THSD7A: variants seen among roughly 807,000 people sequenced by gnomAD.
THSD7A encodes thrombospondin type 1 domain containing 7A, also known as thrombospondin type-1 domain-containing protein 7A.
Under a neutral mutation model 231.3 loss-of-function variants are expected in THSD7A, and 96 were observed. The ratio of observed to expected loss-of-function variants is 0.41; its 90% CI spans 0.35 to 0.49. The LOEUF is 0.49. THSD7A is among the 20% of genes least tolerant of loss of function. THSD7A has a pLI of 0.05. For missense variants in THSD7A, 2,290 were observed against 2,070.2 expected (o/e 1.11, Z -2.06); for synonymous variants, 940 against 743.3 (o/e 1.26, Z -4.30).
intron 6 of THSD7A, among the ~76,000 whole-genome samples, chr7:11,519,500 C>T (rs557187857): frequency 6.6e-6 from 1 of 152,304 alleles, no homozygotes; most frequent in Admixed American, 6.5e-5. Context: ...CACACTGTCA[C>T]TTTCACTCCA....
At chr7:11,798,907 G>C (rs574691596) in intron 1 of THSD7A, among the ~76,000 whole-genome samples, 1 of 149,972 alleles carries the variant, frequency 6.7e-6, no homozygotes, top group African/African-American at 2.5e-5. Flanking sequence ...TTGGTTTAAA[G>C]TTGAGAATTT....
chr7:11,433,147 G>A (rs1286188987), intron 13 of THSD7A, among the ~76,000 whole-genome samples: 2 of 151,954 alleles, frequency 1.3e-5, no homozygotes, highest in East Asian at 3.9e-4. Flanking sequence ...AGAACTAAAG[G>A]AATATTTCAC....
chr7:11,446,614 G>T lies in THSD7A; in HGVS notation c.2801-290C>A, dbSNP rs1204894935. Among the ~76,000 whole-genome samples, 2 of 151,710 alleles carry T rather than the reference G, an allele frequency of 1.3e-5. No individual in the cohort carries two copies. The highest frequency in any genetic ancestry group is 4.8e-5 in the African/African-American group (2 of 41,280). On this transcript the variant is annotated intron_variant, in intron 12 of 27. Transcript: ENST00000423059. The surrounding 1 kb of genome is among the most constrained non-coding windows in gnomAD (Gnocchi z 4.0). ...ATATATTTATCTCTCACCTTCATAG[G>T]CTGTGTTATATAGTTTCGACAGTCT... is the stretch of plus-strand genomic sequence containing the variant.
At chr7:11,383,546 C>A (rs1487744361) in intron 23 of THSD7A, among the ~76,000 whole-genome samples, 1 of 151,920 alleles carries the variant, frequency 6.6e-6, no homozygotes, top group Non-Finnish European at 1.5e-5. Flanking sequence ...TGACAATTTA[C>A]AAATCCATCA....
chr7:11,495,666 A>C (rs1043396963), intron 6 of THSD7A, among the ~76,000 whole-genome samples: 5 of 152,166 alleles, frequency 3.3e-5, no homozygotes, highest in Admixed American at 3.3e-4. Flanking sequence ...AATCTTAAAA[A>C]GGGTTTGGCT....
chr7:11,463,980 G>A (rs1785601766), intron 9 of THSD7A, among the ~76,000 whole-genome samples: 1 of 151,932 alleles, frequency 6.6e-6, no homozygotes, highest in Admixed American at 6.6e-5. Flanking sequence ...TTTTGCTTTG[G>A]TCACCAGAAT....
chr7:11,504,887 C>T (rs1392618060), intron 6 of THSD7A, among the ~76,000 whole-genome samples: 2 of 151,310 alleles, frequency 1.3e-5, no homozygotes, highest in African/African-American at 4.9e-5. Context: ...ATTAAACTGG[C>T]AAAATTAAAA....
At chr7:11,461,890 TC>T in intron 10 of THSD7A, 120 bp downstream of exon 10, 2 of 1,292,998 alleles carry the variant, frequency 1.5e-6, no homozygotes, top group Non-Finnish European at 2.1e-6. Context: ...GCCATAAACA[TC>T]CCAACTCCAT....
At chr7:11,456,179 G>A (rs1785303092) in intron 11 of THSD7A, among the ~76,000 whole-genome samples, 1 of 151,978 alleles carries the variant, frequency 6.6e-6, no homozygotes, top group Non-Finnish European at 1.5e-5. Flanking sequence ...TTTTCTATGT[G>A]TACTTAGTAA....
chr7:11,751,951 T>C lies in THSD7A; in HGVS notation c.190+79806A>G, dbSNP rs1472591895. On this transcript the variant is annotated intron_variant, in intron 1 of 27. Coordinates refer to ENST00000423059, the MANE Select transcript of THSD7A (RefSeq NM_015204.3). The stretch of plus-strand genomic sequence containing the variant: ...TGTCAGGGTAACCACTTGCAGCTTA[T>C]AGCTGCAGCGAACGCTGAGAATGAA... 3.3e-5 allele frequency among the ~76,000 whole-genome samples: 5 copies of C among 152,232 alleles called. No individual in the cohort carries two copies. In the East Asian group the frequency reaches 9.7e-4, roughly 30 times the overall value.
Position 11,636,116 on chromosome 7 carries a change from A to T in THSD7A, c.1022+14T>A. The T allele has an allele frequency of 6.3e-7, 1 of 1,596,352 alleles. No homozygotes were observed. The highest frequency in any genetic ancestry group is 8.6e-7 in the Non-Finnish European group (1 of 1,169,558). ...CAGACAAGCCTGTGTAGTTAACAGT[A>T]ATTAAAATGTTACCTTAAATCAGCA... is the stretch of plus-strand genomic sequence containing the variant. On this transcript the variant is annotated intron_variant, in intron 2 of 27. Transcript: ENST00000423059. The surrounding 1 kb of genome is among the most constrained non-coding windows in gnomAD (Gnocchi z 10.0).
chr7:11,530,921 G>A (rs1173577239), intron 6 of THSD7A, among the ~76,000 whole-genome samples: 2 of 152,116 alleles, frequency 1.3e-5, no homozygotes, highest in Non-Finnish European at 2.9e-5. Context: ...TGAGGCAGGA[G>A]AATTGCTTGA....
Position 11,482,001 on chromosome 7 carries a change from C to T in THSD7A, c.1823-19G>A. The T allele has an allele frequency of 6.4e-7, 1 of 1,573,968 alleles. No homozygotes were observed. The highest frequency in any genetic ancestry group is 8.6e-7 in the Non-Finnish European group (1 of 1,156,310). ...TCTTCTCCTGGGGAAAACATGACCA[C>T]CAACAGCTATTATTGTTAAATTAAT... is the stretch of plus-strand genomic sequence containing the variant. On this transcript the variant is annotated intron_variant, in intron 6 of 27. Transcript: ENST00000423059.
At chr7:11,564,770 A>G (rs1359933050) in intron 4 of THSD7A, among the ~76,000 whole-genome samples, 1 of 152,118 alleles carries the variant, frequency 6.6e-6, no homozygotes, top group East Asian at 1.9e-4. Flanking sequence ...ATCACTCCTC[A>G]TGTCATGACT....
At chr7:11,437,599 A>ACAT (rs1369757898) in intron 13 of THSD7A, among the ~76,000 whole-genome samples, 1 of 152,104 alleles carries the variant, frequency 6.6e-6, no homozygotes, top group East Asian at 1.9e-4. Flanking sequence ...AATGCATTAG[A>ACAT]CATTAAATAA....
chr7:11,521,245 C>A (rs759309164), intron 6 of THSD7A, among the ~76,000 whole-genome samples: 2 of 152,094 alleles, frequency 1.3e-5, no homozygotes, highest in Non-Finnish European at 1.5e-5. Context: ...GTACTTCCTT[C>A]TGATTACAAA....
At position 11,424,788 on chromosome 7, in the gene THSD7A, G is replaced by A. The variant is rs571423710; in HGVS notation, c.3291C>T (p.Tyr1097=). ...TGCTCCAGGGCTCTGTGACCCATAG[G>A]TACTGGTTGCAGTCACTGTGGCATG... The part of the protein sequence containing the change: ...VVPCHSDCNQ[Y]LWVTEPWSIC... The change falls in exon 16 of 28, where the codon TAC becomes TAT. Residue 1097 remains tyrosine (Y), a synonymous_variant. Transcript: ENST00000423059. 2.5e-6 allele frequency: 4 copies of A among 1,613,924 alleles called. No individual in the cohort carries two copies. Among genetic ancestry groups the A allele is most frequent in the Admixed American group, 3.3e-5 (2 of 60,014 alleles).
At chr7:11,818,386 T>A (rs578089444) in intron 1 of THSD7A, among the ~76,000 whole-genome samples, 1 of 152,332 alleles carries the variant, frequency 6.6e-6, no homozygotes, top group African/African-American at 2.4e-5. Flanking sequence ...TGTACTATAT[T>A]TCTATTCTTA....
At chr7:11,551,770 T>A (rs1351062729) in intron 4 of THSD7A, among the ~76,000 whole-genome samples, 43 of 152,178 alleles carry the variant, frequency 2.8e-4, no homozygotes, top group Non-Finnish European at 7.3e-5. Flanking sequence ...GTTCAGCCAC[T>A]GTGGAAAGCA....
Sources: gnomAD v4.1 joint callset for allele counts (sites outside exome capture counted in the v4.1 genomes callset) on GRCh38, gnomAD v4.1.1 for gene constraint, Gnocchi (gnomAD v3.1) non-coding constraint, MANE v1.5 for transcripts, NCBI Gene and HGNC (gene_info 2026-07-23, HGNC 2026-07-21) for gene names.